The following LRFN2 variants were observed in gnomAD, a reference collection of about 807,000 sequenced individuals.
LRFN2 encodes leucine rich repeat and fibronectin type III domain containing 2, also known as leucine-rich repeat and fibronectin type-III domain-containing protein 2.
A neutral mutation model predicts 37.3 loss-of-function variants in LRFN2; 18 were observed. The observed-to-expected ratio is 0.48, with a 90% CI of 0.33 to 0.72. The LOEUF (loss-of-function observed/expected upper bound fraction) is 0.72. Among genes scored for constraint, LRFN2 ranks in the 30% least tolerant of loss-of-function variants. The probability of loss-of-function intolerance (pLI) is 0.02; values close to 1 mark genes in which losing one functional copy is unlikely to be tolerated. For missense variants in LRFN2, 1,006 were observed against 1,060.7 expected (o/e 0.95, Z 0.72); for synonymous variants, 556 against 466.6 (o/e 1.19, Z -2.47).
chr6:40,555,045 T>C (rs570689673), intron 1 of LRFN2, among the ~76,000 whole-genome samples: 1 of 152,378 alleles, frequency 6.6e-6, no homozygotes, highest in South Asian at 2.1e-4. Flanking sequence ...CTCTTTACAA[T>C]TGGTTAAATA....
intron 2 of LRFN2, among the ~76,000 whole-genome samples, chr6:40,413,020 G>A (rs1470737833): frequency 2.0e-5 from 3 of 152,220 alleles, no homozygotes; most frequent in South Asian, 4.2e-4. Context: ...CAGCACTGCC[G>A]TGTTCCAGAG....
chr6:40,560,828 A>G (rs1416318154), intron 1 of LRFN2, among the ~76,000 whole-genome samples: 1 of 152,158 alleles, frequency 6.6e-6, no homozygotes, highest in African/African-American at 2.4e-5. Flanking sequence ...GTATTTAGTA[A>G]GTTGTCATGT....
chr6:40,507,836 C>G (rs1765587099), intron 1 of LRFN2, among the ~76,000 whole-genome samples: 1 of 152,180 alleles, frequency 6.6e-6, no homozygotes, highest in Non-Finnish European at 1.5e-5. Context: ...TCTGATTAAA[C>G]CTCAAGCCAA....
chr6:40,522,453 G>C (rs1248454654), intron 1 of LRFN2, among the ~76,000 whole-genome samples: 1 of 152,186 alleles, frequency 6.6e-6, no homozygotes, highest in Non-Finnish European at 1.5e-5. Flanking sequence ...AGGGTGGTAT[G>C]AGGGTGTGGA....
At chr6:40,561,470 C>T (rs1451158611) in intron 1 of LRFN2, among the ~76,000 whole-genome samples, 7 of 152,180 alleles carry the variant, frequency 4.6e-5, no homozygotes, top group Non-Finnish European at 5.9e-5. Flanking sequence ...CTATGGCTGC[C>T]GGGACCTGCC....
Position 40,432,337 on chromosome 6 carries a change from G to A in LRFN2, c.777C>T (p.Asp259=), listed in dbSNP as rs759825037. ...ELLWLRRLER[D]DDLETCGSPG... ...GGGAGCCACAGGTTTCCAGGTCATC[G>A]TCCCGCTCGAGCCTCCGCAGCCAGA... The change falls in exon 2 of 3, where the codon GAC becomes GAT. Residue 259 remains aspartate (D), a synonymous_variant. Transcript: ENST00000338305. The A allele has an allele frequency of 1.7e-5, 27 of 1,614,026 alleles. No homozygotes were observed. Among genetic ancestry groups the A allele is most frequent in the Admixed American group, 6.7e-5 (4 of 60,010 alleles).
intron 1 of LRFN2, among the ~76,000 whole-genome samples, chr6:40,533,350 C>A (rs1394393378): frequency 1.3e-5 from 2 of 149,898 alleles, no homozygotes. Context: ...GGGATGTTTT[C>A]TACTTTACTC....
intron 1 of LRFN2, among the ~76,000 whole-genome samples, chr6:40,491,640 C>T (rs552649261): frequency 1.3e-5 from 2 of 149,022 alleles, no homozygotes; most frequent in South Asian, 4.4e-4. Flanking sequence ...GTGTGTTTCC[C>T]TCTCTCCATT....
chr6:40,567,230 C>A (rs1767106331), intron 1 of LRFN2, among the ~76,000 whole-genome samples: 1 of 152,134 alleles, frequency 6.6e-6, no homozygotes, highest in Admixed American at 6.5e-5. Context: ...GGAACAGTCT[C>A]CTGCTACCAA....
chr6:40,502,506 CT>C (rs1227169849), intron 1 of LRFN2: 1 of 152,240 alleles, frequency 6.6e-6, no homozygotes, highest in Non-Finnish European at 1.5e-5. Flanking sequence ...CATCCCTCCC[CT>C]CCCTCCATGC....
chr6:40,443,630 G>A (rs887264165), intron 1 of LRFN2, among the ~76,000 whole-genome samples: 1 of 152,212 alleles, frequency 6.6e-6, no homozygotes, highest in Non-Finnish European at 1.5e-5. Flanking sequence ...CTTTATTGCT[G>A]TCCTCTGTCC....
intron 1 of LRFN2, among the ~76,000 whole-genome samples, chr6:40,538,065 G>A (rs7769991): frequency 6.6e-6 from 1 of 151,892 alleles, no homozygotes; most frequent in Non-Finnish European, 1.5e-5. Context: ...ACCAACGCTC[G>A]CCTTGGAACG....
intron 1 of LRFN2, among the ~76,000 whole-genome samples, chr6:40,481,519 A>G (rs1180181024): frequency 1.3e-5 from 2 of 152,178 alleles, no homozygotes; most frequent in African/African-American, 4.8e-5. Context: ...TCAGAATTTC[A>G]TCAATACAGA....
rs558861715 is a variant in LRFN2 at position 40,451,017 on chromosome 6, G to A, written c.-18-17886C>T. ...AAGACACCATAAATGCATCTCCATG[G>A]ATATCACTATTAGCTTTGATATTGT... On this transcript the variant is annotated intron_variant, in intron 1 of 2. Transcript: ENST00000338305. Among the ~76,000 whole-genome samples, 10 of 152,308 alleles carry A rather than the reference G, an allele frequency of 6.6e-5. No individual in the cohort carries two copies. The Middle Eastern group carries it at 0.01, about 155-fold the overall frequency.
At chr6:40,579,613 A>AACACACAC (rs34819147) in intron 1 of LRFN2, among the ~76,000 whole-genome samples, 122 of 145,056 alleles carry the variant, frequency 8.4e-4, no homozygotes, top group Middle Eastern at 3.5e-3. Flanking sequence ...AACACACACA[A>AACACACAC]ACACACACAC....
chr6:40,550,617 C>T (rs1766759507), intron 1 of LRFN2, among the ~76,000 whole-genome samples: 1 of 151,790 alleles, frequency 6.6e-6, no homozygotes. Flanking sequence ...GACCACAGAC[C>T]AGTGGCCACA....
chr6:40,553,055 GCT>G (rs1246472531), intron 1 of LRFN2, among the ~76,000 whole-genome samples: 2 of 152,308 alleles, frequency 1.3e-5, no homozygotes, highest in Non-Finnish European at 2.9e-5. Flanking sequence ...GTGCCCCTCA[GCT>G]CTGTCTCTTT....
intron 1 of LRFN2, among the ~76,000 whole-genome samples, chr6:40,459,164 A>G (rs981808556): frequency 1.3e-5 from 2 of 152,214 alleles, no homozygotes; most frequent in African/African-American, 4.8e-5. Context: ...TCCCTGGACT[A>G]GGCAGGCAGG....
At chr6:40,537,402 C>T (rs949994222) in intron 1 of LRFN2, among the ~76,000 whole-genome samples, 3 of 152,156 alleles carry the variant, frequency 2.0e-5, no homozygotes, top group Non-Finnish European at 4.4e-5. Flanking sequence ...CTGCGTGTGC[C>T]CCCACCAGTC....
Sources: gnomAD v4.1 joint callset for allele counts (sites outside exome capture counted in the v4.1 genomes callset) on GRCh38, gnomAD v4.1.1 for gene constraint, MANE v1.5 for transcripts, NCBI Gene and HGNC (gene_info 2026-07-23, HGNC 2026-07-21) for gene names.